CADM1: variants seen among roughly 807,000 people sequenced by gnomAD.
The protein encoded by CADM1 is cell adhesion molecule 1.
In CADM1, 15 loss-of-function variants were observed where a neutral mutation model predicts 53.1. The observed-to-expected ratio is 0.28, with a 90% CI of 0.19 to 0.44. The LOEUF is 0.44. Ranked by LOEUF, CADM1 falls within the 20% of genes least tolerant of loss-of-function variation. The pLI is 1.00. For synonymous variants in CADM1, 281 were observed against 243.0 expected, an observed-to-expected ratio of 1.16 and a Z score of -1.45; for missense variants, 434 against 611.3, an observed-to-expected ratio of 0.71 and a Z score of 3.06.
intron 6 of CADM1, among the ~76,000 whole-genome samples, chr11:115,215,951 G>A (rs986550745): frequency 1.3e-5 from 2 of 152,148 alleles, no homozygotes; most frequent in African/African-American, 4.8e-5. Context: ...GGGATGTGAA[G>A]TTACAATTTT....
At chr11:115,450,418 T>C (rs1948546183) in intron 1 of CADM1, among the ~76,000 whole-genome samples, 1 of 152,176 alleles carries the variant, frequency 6.6e-6, no homozygotes, top group South Asian at 2.1e-4. Context: ...TCTATCTTAG[T>C]AATATGGTAG....
intron 1 of CADM1, among the ~76,000 whole-genome samples, chr11:115,283,585 G>A (rs554953222): frequency 9.9e-5 from 15 of 152,266 alleles, no homozygotes; most frequent in African/African-American, 3.6e-4. Context: ...GGTTTAAAAA[G>A]GCAGCATAAA....
At chr11:115,359,692 A>T (rs1945977468) in intron 1 of CADM1, among the ~76,000 whole-genome samples, 1 of 152,206 alleles carries the variant, frequency 6.6e-6, no homozygotes, top group Admixed American at 6.5e-5. Flanking sequence ...TTTAAGGATG[A>T]ATCAGATAAA....
At chr11:115,214,582 G>T in intron 7 of CADM1, 26 bp downstream of exon 7, 1 of 1,604,458 alleles carries the variant, frequency 6.2e-7, no homozygotes, top group Non-Finnish European at 8.5e-7. Flanking sequence ...GACTCTAGTA[G>T]AAGAGCATTT....
At chr11:115,273,455 G>C (rs1283953310) in intron 1 of CADM1, among the ~76,000 whole-genome samples, 3 of 152,080 alleles carry the variant, frequency 2.0e-5, no homozygotes, top group Non-Finnish European at 4.4e-5. Flanking sequence ...CCAGATATCA[G>C]TTCGATAATT....
At chr11:115,355,439 GAAC>G (rs1945840838) in intron 1 of CADM1, among the ~76,000 whole-genome samples, 1 of 152,072 alleles carries the variant, frequency 6.6e-6, no homozygotes, top group Non-Finnish European at 1.5e-5. Flanking sequence ...GCAAAAAGGA[GAAC>G]AACAGACACT....
At chr11:115,276,565 A>C (rs1943449787) in intron 1 of CADM1, among the ~76,000 whole-genome samples, 1 of 152,172 alleles carries the variant, frequency 6.6e-6, no homozygotes, top group Admixed American at 6.5e-5. Flanking sequence ...ATTGTATGTA[A>C]AGCCATACAT....
At chr11:115,381,297 A>G (rs1946573376) in intron 1 of CADM1, among the ~76,000 whole-genome samples, 1 of 151,682 alleles carries the variant, frequency 6.6e-6, no homozygotes, top group African/African-American at 2.4e-5. Flanking sequence ...CCATCTCAAA[A>G]AAAAAAAAAA....
intron 1 of CADM1, among the ~76,000 whole-genome samples, chr11:115,348,669 G>A (rs1006211443): frequency 2.6e-5 from 4 of 152,186 alleles, no homozygotes; most frequent in Non-Finnish European, 5.9e-5. Context: ...CCCCCATGTA[G>A]ATGGCTTTGC....
chr11:115,342,134 C>T (rs1945465523), intron 1 of CADM1, among the ~76,000 whole-genome samples: 1 of 152,132 alleles, frequency 6.6e-6, no homozygotes, highest in African/African-American at 2.4e-5. Context: ...AAATAAGTAA[C>T]AACTGGAAAG....
intron 1 of CADM1, among the ~76,000 whole-genome samples, chr11:115,407,873 TAAAAAAAAA>T (rs148209064): frequency 3.5e-4 from 11 of 31,748 alleles, no homozygotes; most frequent in African/African-American, 4.4e-4. Context: ...CCCTGTCATT[TAAAAAAAAA>T]AAAAAAAAAA....
intron 1 of CADM1, among the ~76,000 whole-genome samples, chr11:115,251,463 G>A (rs1277102419): frequency 6.6e-6 from 1 of 152,118 alleles, no homozygotes; most frequent in Non-Finnish European, 1.5e-5. Flanking sequence ...GAAGTGGGAG[G>A]GGAGAGGTGT....
chr11:115,183,218 CTACT>C (rs1176733917), intron 10 of CADM1, among the ~76,000 whole-genome samples: 1 of 152,212 alleles, frequency 6.6e-6, no homozygotes, highest in Non-Finnish European at 1.5e-5. Flanking sequence ...TTTTCTTTCT[CTACT>C]TGTTTTCATT....
At position 115,176,414 on chromosome 11, in the gene CADM1, C is replaced by G; in HGVS notation, c.*60G>C. 1.9e-6 allele frequency: 3 copies of G among 1,607,400 alleles called. No homozygotes were observed. Among genetic ancestry groups the G allele is most frequent in the Non-Finnish European group, 2.6e-6 (3 of 1,175,818 alleles). On this transcript the variant is annotated 3_prime_UTR_variant, in exon 12 of 12. Coordinates refer to ENST00000331581, the MANE Select transcript of CADM1 (RefSeq NM_001301043.2). Reference sequence around the variant, plus strand: ...GAATTTCTCGCAAGTTCCAATATCACTGTCTCTTTATCATCTAAATAGGGC... The same window carrying G: ...GAATTTCTCGCAAGTTCCAATATCAGTGTCTCTTTATCATCTAAATAGGGC...
At chr11:115,493,180 G>T (rs1241108656) in intron 1 of CADM1, among the ~76,000 whole-genome samples, 1 of 150,402 alleles carries the variant, frequency 6.6e-6, no homozygotes, top group African/African-American at 2.4e-5. Flanking sequence ...AAATTAATGA[G>T]AATATATTAA....
intron 1 of CADM1, among the ~76,000 whole-genome samples, chr11:115,316,475 G>T (rs894805975): frequency 2.0e-5 from 3 of 152,120 alleles, no homozygotes; most frequent in Non-Finnish European, 4.4e-5. Flanking sequence ...TGATAGTTCC[G>T]AGGCGGAATT....
chr11:115,243,474 T>C (rs932079161), intron 1 of CADM1, among the ~76,000 whole-genome samples: 10 of 152,140 alleles, frequency 6.6e-5, no homozygotes, highest in African/African-American at 9.7e-5. Flanking sequence ...TGGACGGCAG[T>C]TATGTTACAC....
At chr11:115,360,141 A>G (rs969914387) in intron 1 of CADM1, among the ~76,000 whole-genome samples, 1 of 152,204 alleles carries the variant, frequency 6.6e-6, no homozygotes, top group Admixed American at 6.5e-5. Context: ...CATTTGTATA[A>G]GTCACAAATC....
chr11:115,264,085 G>A (rs754074664), intron 1 of CADM1, among the ~76,000 whole-genome samples: 5 of 152,030 alleles, frequency 3.3e-5, no homozygotes, highest in Admixed American at 6.6e-5. Context: ...CCTCCACCCC[G>A]TATGTTTAAA....
Sources: gnomAD v4.1 joint callset for allele counts (sites outside exome capture counted in the v4.1 genomes callset) on GRCh38, gnomAD v4.1.1 for gene constraint, MANE v1.5 for transcripts, NCBI Gene and HGNC (gene_info 2026-07-23, HGNC 2026-07-21) for gene names.